HYDIN: variants seen among roughly 807,000 people sequenced by gnomAD.
HYDIN encodes the protein axonemal central pair apparatus protein HYDIN.
In HYDIN, 132 loss-of-function variants were observed where a neutral mutation model predicts 403.9. The ratio of observed to expected loss-of-function variants is 0.33; its 90% CI spans 0.28 to 0.38. HYDIN has a LOEUF of 0.38. Ranked by LOEUF, HYDIN falls within the 10% of genes least tolerant of loss-of-function variation. The pLI is 1.00. For missense variants in HYDIN, 2,827 were observed against 5,009.5 expected (o/e 0.56, Z 13.15); for synonymous variants, 1,202 against 1,891.7 (o/e 0.64, Z 9.46).
At chr16:71,183,431 TAAAATAAAGGCGCACAGTACCTCAGG>T (rs2086989941) in intron 3 of HYDIN, among the ~76,000 whole-genome samples, 1 of 151,940 alleles carries the variant, frequency 6.6e-6, no homozygotes, top group Admixed American at 6.6e-5. Context: ...TTTCTAAAAA[TAAAATAAAGGCGCACAGTACCTCAGG>T]AAAAATGTAG....
chr16:71,089,138 A>T (rs1261866389), intron 11 of HYDIN, among the ~76,000 whole-genome samples: 1 of 149,830 alleles, frequency 6.7e-6, no homozygotes, highest in African/African-American at 2.5e-5. Context: ...ACTATAGAAA[A>T]GTTGTACTCC....
chr16:70,938,892 G>T (rs538749820), intron 43 of HYDIN, 137 bp from the exon 44 acceptor site: 9,390 of 641,590 alleles, frequency 0.015, 89 homozygotes, highest in Non-Finnish European at 0.018. Flanking sequence ...TTGCAGGGGT[G>T]GGGGGGTCCC....
At chr16:70,905,149 A>G (rs1471014249) in intron 50 of HYDIN, among the ~76,000 whole-genome samples, 1 of 152,206 alleles carries the variant, frequency 6.6e-6, no homozygotes, top group Non-Finnish European at 1.5e-5. Context: ...AGAATGACAG[A>G]GACCAAATGA....
rs373269566 is a variant in HYDIN, at chr16:71,205,756, C to T, written c.-23-18838G>A. Among the ~76,000 whole-genome samples the T allele has an allele frequency of 2.1e-3, 316 of 152,330 alleles. 5 individuals carry two copies. Among genetic ancestry groups the T allele is most frequent in the African/African-American group, 7.2e-3 (298 of 41,566 alleles). ...CTCCAGCTCAGTGGTTTCATTTTTG[C>T]GTGAACTCAGCTGGAGGGCACAGCC... On this transcript the variant is annotated intron_variant, in intron 1 of 85. Coordinates refer to ENST00000393567, the MANE Select transcript of HYDIN (RefSeq NM_001270974.2).
intron 12 of HYDIN, among the ~76,000 whole-genome samples, chr16:71,086,259 G>C (rs1198291574): frequency 6.6e-6 from 1 of 152,232 alleles, no homozygotes; most frequent in Non-Finnish European, 1.5e-5. Flanking sequence ...CATCAGGAAT[G>C]TCTAAGAAAC....
At chr16:70,830,447 CTTT>C (rs58272927) in intron 80 of HYDIN, among the ~76,000 whole-genome samples, 18 of 126,422 alleles carry the variant, frequency 1.4e-4, no homozygotes, top group African/African-American at 4.8e-4. Context: ...ATGGTAGACA[CTTT>C]TTTTTTTTTT....
At chr16:70,882,511 G>A (rs2040871856) in intron 60 of HYDIN, 149 bp downstream of exon 60, 2 of 595,380 alleles carry the variant, frequency 3.4e-6, no homozygotes, top group Non-Finnish European at 6.0e-6. Flanking sequence ...ACTGGCCTAG[G>A]GGAAAGCCCC....
At chr16:71,213,287 CAT>C (rs1179893923) in intron 1 of HYDIN, among the ~76,000 whole-genome samples, 17 of 151,980 alleles carry the variant, frequency 1.1e-4, no homozygotes, top group African/African-American at 4.1e-4. Flanking sequence ...TTAAAATGAA[CAT>C]GAGTGCTGTC....
intron 23 of HYDIN, among the ~76,000 whole-genome samples, chr16:70,996,600 A>G (rs907265644): frequency 9.2e-5 from 14 of 152,134 alleles, no homozygotes; most frequent in Non-Finnish European, 2.1e-4. Flanking sequence ...GGTCATAGCA[A>G]ATGTCCAATA....
chr16:70,933,175 G>C (rs2077399558), intron 45 of HYDIN, among the ~76,000 whole-genome samples: 1 of 152,094 alleles, frequency 6.6e-6, no homozygotes, highest in African/African-American at 2.4e-5. Flanking sequence ...GCTGGGGATG[G>C]GGAAGAAAGG....
chr16:70,968,994 G>A (rs2078663380), intron 36 of HYDIN, among the ~76,000 whole-genome samples: 1 of 151,768 alleles, frequency 6.6e-6, no homozygotes, highest in African/African-American at 2.4e-5. Context: ...TAAAAATATA[G>A]TTACCAAAAT....
intron 19 of HYDIN, among the ~76,000 whole-genome samples, chr16:71,031,016 C>T (rs1187512533): frequency 1.9e-4 from 28 of 150,834 alleles, no homozygotes; most frequent in Middle Eastern, 3.4e-3. Context: ...CTGGCTAACA[C>T]GGTGAAACCC....
chr16:71,171,624 CAT>C (rs2144629241), intron 5 of HYDIN, among the ~76,000 whole-genome samples: 1 of 152,104 alleles, frequency 6.6e-6, no homozygotes, highest in East Asian at 1.9e-4. Context: ...TTATGAGGTC[CAT>C]AAAGCTAAAA....
chr16:70,951,041 C>A (rs535148907), intron 41 of HYDIN, among the ~76,000 whole-genome samples: 10 of 152,100 alleles, frequency 6.6e-5, no homozygotes, highest in African/African-American at 2.4e-4. Context: ...TCAAGACCAG[C>A]CTGGGCAACA....
chr16:70,849,191 G>A (rs1049182648), intron 75 of HYDIN, among the ~76,000 whole-genome samples: 5 of 152,066 alleles, frequency 3.3e-5, no homozygotes, highest in Non-Finnish European at 7.4e-5. Context: ...GATGAGGGAG[G>A]AGGGAGAGAA....
intron 62 of HYDIN, among the ~76,000 whole-genome samples, chr16:70,875,609 T>C (rs1213824213): frequency 1.3e-5 from 2 of 152,190 alleles, no homozygotes; most frequent in Non-Finnish European, 2.9e-5. Flanking sequence ...GGGAAGCTTC[T>C]GAGATAAAAA....
intron 10 of HYDIN, among the ~76,000 whole-genome samples, chr16:71,098,385 G>A (rs1251286818): frequency 6.6e-6 from 1 of 151,628 alleles, no homozygotes; most frequent in African/African-American, 2.4e-5. Context: ...TGTATTTTTA[G>A]TAGAAACGGG....
intron 62 of HYDIN, 109 bp from the exon 63 acceptor site, chr16:70,875,028 T>G: frequency 9.0e-7 from 1 of 1,109,424 alleles, no homozygotes; most frequent in South Asian, 1.9e-5. Flanking sequence ...AAAAAGGTAT[T>G]ATGCCTAGTA....
At chr16:71,139,095 GAAAAAAAA>G (rs71758936) in intron 7 of HYDIN, among the ~76,000 whole-genome samples, 1 of 103,814 alleles carries the variant, frequency 9.6e-6, no homozygotes, top group Non-Finnish European at 1.8e-5. Context: ...AAATAAAGAA[GAAAAAAAA>G]AAAAAAAAAA....
Sources: gnomAD v4.1 joint callset for allele counts (sites outside exome capture counted in the v4.1 genomes callset) on GRCh38, gnomAD v4.1.1 for gene constraint, MANE v1.5 for transcripts, NCBI Gene and HGNC (gene_info 2026-07-23, HGNC 2026-07-21) for gene names.